Variants in SPAG17 observed in about 807,000 individuals in gnomAD.
SPAG17 encodes sperm associated antigen 17.
In SPAG17, 169 loss-of-function variants were observed where a neutral mutation model predicts 273.6. The ratio of observed to expected loss-of-function variants is 0.62; its 90% CI spans 0.55 to 0.70. The LOEUF (loss-of-function observed/expected upper bound fraction) is 0.70, where lower values mean the gene tolerates loss of function less well. SPAG17 is among the 30% of genes least tolerant of loss of function. The pLI, the probability that SPAG17 is intolerant of heterozygous loss-of-function variation, is 0.00. For synonymous variants in SPAG17, 825 were observed against 873.2 expected (o/e 0.94, Z 0.97); for missense variants, 2,557 against 2,627.8 (o/e 0.97, Z 0.59).
At position 118,086,917 on chromosome 1, in the gene SPAG17, A is replaced by G. The variant is rs894991773; in HGVS notation, c.1451T>C (p.Ile484Thr). 6.2e-7 allele frequency: 1 copy of G among 1,613,020 alleles called. No homozygotes were observed. The highest frequency in any genetic ancestry group is 1.3e-5 in the African/African-American group (1 of 74,910). The change falls in exon 11 of 49, where the codon ATT becomes ACT. Residue 484 changes from isoleucine (I) to threonine (T), a missense_variant. Physicochemically the swap from Ile to Thr is moderately conservative, Grantham distance 89 (BLOSUM62 -1). Coordinates refer to ENST00000336338, the MANE Select transcript of SPAG17 (RefSeq NM_206996.4). ...DGLDHRIAAH[I>T]VSLLPSLCLS... ...ACAGAGTGAGGGCAGAAGGGACACA[A>G]TGTGAGCTGCGATTCTGTGGTCTAG... is the stretch of plus-strand genomic sequence containing the variant.
chr1:118,028,520 A>T, intron 25 of SPAG17, 126 bp from the exon 26 acceptor site: 1 of 1,155,372 alleles, frequency 8.7e-7, no homozygotes, highest in Non-Finnish European at 1.2e-6. Context: ...TGGCCCCTGC[A>T]AGGACGCAGG....
chr1:118,099,813 C>G lies in SPAG17; in HGVS notation c.635-13G>C, dbSNP rs370448376. The G allele has an allele frequency of 6.2e-7, 1 of 1,607,332 alleles. No homozygotes were observed. Among genetic ancestry groups the G allele is most frequent in the Non-Finnish European group, 8.5e-7 (1 of 1,176,660 alleles). ...TCTGGCTCATCGTCTGTTCAAAATA[C>G]CATAAAGAAGAGCAGCCATCATTGT... On this transcript the variant is annotated splice_polypyrimidine_tract_variant and intron_variant, in intron 5 of 48. Transcript: ENST00000336338.
intron 18 of SPAG17, among the ~76,000 whole-genome samples, chr1:118,065,635 G>A (rs995477048): frequency 6.6e-6 from 1 of 151,946 alleles, no homozygotes; most frequent in South Asian, 2.1e-4. Context: ...CTACAGGAAC[G>A]CAAGTTTGGT....
chr1:118,121,766 T>A (rs976958902), intron 3 of SPAG17, among the ~76,000 whole-genome samples: 1 of 152,220 alleles, frequency 6.6e-6, no homozygotes, highest in Non-Finnish European at 1.5e-5. Context: ...TTTGCACAGC[T>A]GCCTTTGATG....
chr1:118,089,330 G>GACGT (rs1044524546), intron 10 of SPAG17, among the ~76,000 whole-genome samples: 1 of 45,902 alleles, frequency 2.2e-5, no homozygotes, highest in Non-Finnish European at 4.6e-5. Context: ...CTATGTAGAT[G>GACGT]ACGTGTGTGT....
At chr1:118,087,936 A>C (rs1655115085) in intron 10 of SPAG17, among the ~76,000 whole-genome samples, 1 of 152,152 alleles carries the variant, frequency 6.6e-6, no homozygotes, top group Admixed American at 6.5e-5. Context: ...TCCAGTTGTG[A>C]CAACCAAAAA....
chr1:118,001,287 T>C (rs1263190399), intron 32 of SPAG17, among the ~76,000 whole-genome samples: 2 of 152,216 alleles, frequency 1.3e-5, no homozygotes, highest in Admixed American at 1.3e-4. Flanking sequence ...TTCTCCTTTT[T>C]TGTTGTGTCT....
At chr1:118,032,423 G>T (rs969495958) in intron 24 of SPAG17, among the ~76,000 whole-genome samples, 3 of 152,010 alleles carry the variant, frequency 2.0e-5, no homozygotes, top group African/African-American at 7.2e-5. Context: ...GAGAGCTCAT[G>T]CTAGGAGTAA....
intron 3 of SPAG17, among the ~76,000 whole-genome samples, chr1:118,124,656 T>C (rs1167469532): frequency 6.6e-6 from 1 of 152,248 alleles, no homozygotes; most frequent in African/African-American, 2.4e-5. Context: ...CACCCTGTGC[T>C]GGACAAGGAC....
intron 3 of SPAG17, among the ~76,000 whole-genome samples, chr1:118,147,042 A>C (rs1035801538): frequency 2.0e-5 from 3 of 152,166 alleles, no homozygotes; most frequent in African/African-American, 7.2e-5. Flanking sequence ...CAAGAACTTC[A>C]CTATTTTCTG....
chr1:117,956,971 A>G (rs1652290562), intron 48 of SPAG17: 3 of 1,100,304 alleles, frequency 2.7e-6, no homozygotes, highest in Non-Finnish European at 3.8e-6. Context: ...CAAGTATAAA[A>G]TCAGTAGAAA....
chr1:118,028,139 G>T, intron 26 of SPAG17, 135 bp downstream of exon 26: 3 of 1,040,094 alleles, frequency 2.9e-6, no homozygotes, highest in Non-Finnish European at 4.2e-6. Flanking sequence ...CATAGTAAAT[G>T]CTACAAATGT....
chr1:118,087,089 T>G (rs1655055454), intron 10 of SPAG17, 81 bp from the exon 11 acceptor site: 1 of 1,456,170 alleles, frequency 6.9e-7, no homozygotes, highest in Non-Finnish European at 9.1e-7. Flanking sequence ...GCATTCCCAC[T>G]GCTTAGTAAG....
intron 38 of SPAG17, among the ~76,000 whole-genome samples, chr1:117,988,658 G>A (rs1375794808): frequency 6.6e-6 from 1 of 152,174 alleles, no homozygotes; most frequent in African/African-American, 2.4e-5. Context: ...TTGGTGGGAT[G>A]TCAATGGGAG....
intron 25 of SPAG17, among the ~76,000 whole-genome samples, chr1:118,030,999 T>C (rs1648393294): frequency 6.6e-6 from 1 of 152,078 alleles, no homozygotes; most frequent in Admixed American, 6.6e-5. Context: ...TGGTTCTAGG[T>C]CCTTGAGGAA....
intron 18 of SPAG17, among the ~76,000 whole-genome samples, chr1:118,056,237 T>C (rs1160042429): frequency 2.0e-5 from 3 of 152,190 alleles, no homozygotes; most frequent in Non-Finnish European, 4.4e-5. Context: ...TACCAAGAGT[T>C]AATGACAGTT....
chr1:117,997,729 C>T (rs1657814826), intron 32 of SPAG17, among the ~76,000 whole-genome samples: 2 of 152,204 alleles, frequency 1.3e-5, no homozygotes, highest in South Asian at 4.1e-4. Flanking sequence ...TGCAAAGCAG[C>T]CACAGACAGT....
rs943944934 is a variant in SPAG17, at chr1:118,091,570, T to C, written c.1359+36A>G. 4 of 1,161,274 alleles carry C rather than the reference T, an allele frequency of 3.4e-6. No homozygotes were observed. In the African/African-American group the frequency reaches 4.6e-5, roughly 13 times the overall value. The allele number at this position is 1,161,274 out of a possible 1,614,324, so 71.9% of individuals were successfully genotyped here. ...AGAAGCCAGGAAAGATGAAACGACTTACTCAAGTATACAACCTGGGAAAAA... is the reference window on the plus strand; with the variant it reads ...AGAAGCCAGGAAAGATGAAACGACTCACTCAAGTATACAACCTGGGAAAAA... On this transcript the variant is annotated intron_variant, in intron 10 of 48. Transcript: ENST00000336338.
intron 38 of SPAG17, among the ~76,000 whole-genome samples, chr1:117,990,200 C>T (rs987808540): frequency 5.3e-5 from 8 of 152,034 alleles, no homozygotes; most frequent in African/African-American, 1.7e-4. Flanking sequence ...TAAACAACAA[C>T]AACAATAAAA....
Sources: gnomAD v4.1 joint callset for allele counts (sites outside exome capture counted in the v4.1 genomes callset) on GRCh38, gnomAD v4.1.1 for gene constraint, MANE v1.5 for transcripts, NCBI Gene and HGNC (gene_info 2026-07-23, HGNC 2026-07-21) for gene names.